NIN: variants seen among roughly 807,000 people sequenced by gnomAD.
NIN encodes the protein ninein.
In NIN, 137 loss-of-function variants were observed where a neutral mutation model predicts 257.6. The observed-to-expected ratio is 0.53, with a 90% CI of 0.46 to 0.61. The LOEUF (loss-of-function observed/expected upper bound fraction) is 0.61. Ranked by LOEUF, NIN falls within the 20% of genes least tolerant of loss-of-function variation. NIN has a pLI of 0.00. For synonymous variants in NIN, 918 were observed against 919.8 expected, an observed-to-expected ratio of 1.00 and a Z score of 0.04; for missense variants, 2,439 against 2,501.2, an observed-to-expected ratio of 0.98 and a Z score of 0.53.
chr14:50,754,644 G>A lies in NIN; in HGVS notation c.4665-12C>T, dbSNP rs766159918. 1.2e-6 allele frequency: 2 copies of A among 1,604,944 alleles called. No homozygotes were observed. Among genetic ancestry groups the A allele is most frequent in the South Asian group, 1.1e-5 (1 of 89,114 alleles). On this transcript the variant is annotated splice_polypyrimidine_tract_variant and intron_variant, in intron 19 of 30. Transcript: ENST00000530997. The stretch of plus-strand genomic sequence containing the variant: ...TTTCCGTTTTTTGCCTAAAAGGAAT[G>A]ATGAAAATAAAATTTAATGGTTAGG...
intron 5 of NIN, among the ~76,000 whole-genome samples, chr14:50,781,145 T>G (rs947556305): frequency 6.6e-6 from 1 of 152,158 alleles, no homozygotes; most frequent in African/African-American, 2.4e-5. Context: ...AATTCATTAT[T>G]TAGCATACCA....
chr14:50,729,452 G>T, intron 29 of NIN, 71 bp downstream of exon 29: 1 of 1,432,742 alleles, frequency 7.0e-7, no homozygotes, highest in Non-Finnish European at 9.5e-7. Context: ...CTCCACCTTT[G>T]AACTGGTATA....
At chr14:50,828,367 G>T (rs1227389286) in intron 2 of NIN, among the ~76,000 whole-genome samples, 1 of 152,196 alleles carries the variant, frequency 6.6e-6, no homozygotes, top group African/African-American at 2.4e-5. Context: ...ATAAAGAAGT[G>T]TCCTAATTTC....
intron 5 of NIN, among the ~76,000 whole-genome samples, chr14:50,790,109 C>T (rs1368496145): frequency 6.6e-6 from 1 of 152,158 alleles, no homozygotes. Context: ...GGCTGGAGTG[C>T]AGTGGCACGA....
intron 26 of NIN, 100 bp from the exon 27 acceptor site, chr14:50,738,386 GT>G: frequency 1.0e-6 from 1 of 957,680 alleles, no homozygotes. Context: ...CTTGGGTCCT[GT>G]TTAACATCCT....
At chr14:50,739,971 T>C (rs1488530483) in intron 25 of NIN, among the ~76,000 whole-genome samples, 3 of 152,230 alleles carry the variant, frequency 2.0e-5, no homozygotes, top group African/African-American at 7.2e-5. Flanking sequence ...TATCCTTTTT[T>C]TAGAATCCAA....
intron 12 of NIN, among the ~76,000 whole-genome samples, chr14:50,769,942 C>CAA (rs1176244770): frequency 1.2e-5 from 1 of 84,382 alleles, no homozygotes; most frequent in Non-Finnish European, 2.5e-5. Context: ...GACCCCATCT[C>CAA]AAAAAAAAAA....
rs184078465 is a variant in NIN at position 50,726,792 on chromosome 14, C to T, written c.6079-726G>A. ...GCAATTGACTTATTAGAATGCAACCCCCATCCCTCTGCAGTCCACCAAAAT... is the reference window on the plus strand; with the variant it reads ...GCAATTGACTTATTAGAATGCAACCTCCATCCCTCTGCAGTCCACCAAAAT... On this transcript the variant is annotated intron_variant, in intron 29 of 30. Coordinates refer to ENST00000530997, the MANE Select transcript of NIN (RefSeq NM_020921.4). 1.7e-3 allele frequency among the ~76,000 whole-genome samples: 256 copies of T among 152,298 alleles called. 1 individual carries two copies. Among genetic ancestry groups the T allele is most frequent in the Admixed American group, 0.016 (238 of 15,292 alleles).
intron 14 of NIN, 61 bp from the exon 15 acceptor site, chr14:50,764,025 C>T: frequency 7.0e-7 from 1 of 1,436,140 alleles, no homozygotes; most frequent in Non-Finnish European, 9.7e-7. Context: ...GCAACAACAA[C>T]AACAAAAAAG....
At chr14:50,730,169 A>G (rs181980693) in intron 28 of NIN, among the ~76,000 whole-genome samples, 2 of 152,112 alleles carry the variant, frequency 1.3e-5, no homozygotes, top group Non-Finnish European at 2.9e-5. Context: ...CAAGTTAGCA[A>G]TTTTTTTTGG....
chr14:50,806,820 T>A lies in NIN; in HGVS notation c.184-2A>T. The A allele has an allele frequency of 7.4e-7, 1 of 1,351,260 alleles. No homozygotes were observed. The highest frequency in any genetic ancestry group is 1.1e-6 in the Non-Finnish European group (1 of 951,748). The allele number at this position is 1,351,260 out of a possible 1,614,324, so 83.7% of individuals were successfully genotyped here. ...TTCTTTAAATTGGTCAAAATGTACC[T>A]AAAAAAAATTAAAAATAGATTTAAA... On this transcript the variant is annotated splice_acceptor_variant, in intron 3 of 30. Transcript: ENST00000530997. LOFTEE classifies it high-confidence loss of function.
intron 3 of NIN, among the ~76,000 whole-genome samples, chr14:50,812,776 C>T (rs943929989): frequency 6.6e-6 from 1 of 152,140 alleles, no homozygotes; most frequent in Non-Finnish European, 1.5e-5. Flanking sequence ...GTAAATCAGC[C>T]TCATTTTAGA....
At position 50,743,451 on chromosome 14, in the gene NIN, T is replaced by A. The variant is rs753762039; in HGVS notation, c.5266A>T (p.Ser1756Cys). The stretch of plus-strand genomic sequence containing the variant: ...GAAGCCACCAGCTGTGACTTTAAGC[T>A]CGCACTCTGATGTTCCCAGGATTTC... Reference protein sequence around the residue: ...EQKSWEHQSASLKSQLVASQE... With the variant: ...EQKSWEHQSACLKSQLVASQE... The change falls in exon 24 of 31, where the codon AGC becomes TGC. Residue 1756 changes from serine (S) to cysteine (C), a missense_variant. Around this residue, in one of 3 missense-constraint regions of NIN, gnomAD observed 2,043 missense variants for 2,050.2 expected, o/e 1.00. Transcript: ENST00000530997. The A allele has an allele frequency of 1.7e-5, 27 of 1,613,750 alleles. No homozygotes were observed. Among genetic ancestry groups the A allele is most frequent in the Non-Finnish European group, 2.2e-5 (26 of 1,179,618 alleles).
rs764807162 is a variant in NIN, at chr14:50,760,187, T to C, written c.2069A>G (p.His690Arg). 2 of 1,613,988 alleles carry C rather than the reference T, an allele frequency of 1.2e-6. No individual in the cohort carries two copies. The highest frequency in any genetic ancestry group is 1.7e-5 in the Admixed American group (1 of 60,018). Residue 690 changes from histidine (H) to arginine (R), a missense_variant, in exon 17 of 31, where the codon CAT (histidine) becomes CGT (arginine). By Grantham distance (29) the His-to-Arg change is conservative (BLOSUM62 0). Coordinates refer to ENST00000530997, the MANE Select transcript of NIN (RefSeq NM_020921.4). ...QGQAAVLKEA[H>R]HEATCRHEEE... ...CTCATGCCTGCAAGTGGCCTCATGA[T>C]GTGCCTCCTTGAGCACTGCTGCTTG...
intron 5 of NIN, among the ~76,000 whole-genome samples, chr14:50,784,296 A>G (rs2043252886): frequency 6.6e-6 from 1 of 152,196 alleles, no homozygotes; most frequent in African/African-American, 2.4e-5. Flanking sequence ...TTCAGTCAGA[A>G]AAATGATGTG....
chr14:50,759,752 G>A (rs2042201521), intron 17 of NIN, 105 bp downstream of exon 17: 14 of 1,220,250 alleles, frequency 1.1e-5, no homozygotes, highest in South Asian at 5.9e-5. Flanking sequence ...GCCTCCCAGA[G>A]TGCTGGGATT....
At chr14:50,783,061 T>C (rs1001754834) in intron 5 of NIN, among the ~76,000 whole-genome samples, 2 of 152,090 alleles carry the variant, frequency 1.3e-5, no homozygotes, top group Non-Finnish European at 2.9e-5. Flanking sequence ...GGGTGGGGGT[T>C]AGGGGAGAAG....
chr14:50,771,200 G>A (rs1208170158), intron 10 of NIN, 132 bp downstream of exon 10: 1 of 1,196,206 alleles, frequency 8.4e-7, no homozygotes, highest in Non-Finnish European at 1.2e-6. Context: ...TAAGGAAGAT[G>A]TGTGCAGCAG....
In NIN at chr14:50,723,442, T is replaced by C. The variant is rs764973716; in HGVS notation, c.*21A>G. On this transcript the variant is annotated 3_prime_UTR_variant, in exon 31 of 31. Transcript: ENST00000530997. Reference sequence around the variant, plus strand: ...TCTATTTCAGTAAAGTGCACAAATATGAGTGTACCCTTTGGTTTGGCTATG... The same window carrying C: ...TCTATTTCAGTAAAGTGCACAAATACGAGTGTACCCTTTGGTTTGGCTATG... 2.5e-6 allele frequency: 4 copies of C among 1,603,096 alleles called. No homozygotes were observed. Among genetic ancestry groups the C allele is most frequent in the Non-Finnish European group, 3.4e-6 (4 of 1,172,058 alleles).
Sources: allele counts gnomAD v4.1 joint callset (sites outside exome capture counted in the v4.1 genomes callset), GRCh38; gene constraint gnomAD v4.1.1; regional missense constraint gnomAD v4.1.1; transcripts MANE v1.5; gene names NCBI Gene and HGNC (gene_info 2026-07-23, HGNC 2026-07-21).